Variants in LRRC7 observed in about 807,000 individuals in gnomAD.
LRRC7 encodes leucine rich repeat containing 7, also known as leucine-rich repeat-containing protein 7.
In LRRC7, 23 loss-of-function variants were observed where a neutral mutation model predicts 175.7. The ratio of observed to expected loss-of-function variants is 0.13; its 90% CI spans 0.09 to 0.19. LRRC7 has a LOEUF of 0.19. Ranked by LOEUF, LRRC7 falls within the 10% of genes least tolerant of loss-of-function variation. LRRC7 has a pLI of 1.00. For missense variants in LRRC7, 1,354 were observed against 1,904.7 expected (o/e 0.71, Z 5.38); for synonymous variants, 685 against 680.9 (o/e 1.01, Z -0.09).
chr1:69,647,596 T>G (rs1445542699), intron 1 of LRRC7, among the ~76,000 whole-genome samples: 1 of 151,710 alleles, frequency 6.6e-6, no homozygotes, highest in Non-Finnish European at 1.5e-5. Flanking sequence ...TTTTTACTTG[T>G]TTTTTTTCTA....
intron 11 of LRRC7, among the ~76,000 whole-genome samples, chr1:70,010,430 G>A (rs1275915946): frequency 6.6e-6 from 1 of 152,072 alleles, no homozygotes; most frequent in Non-Finnish European, 1.5e-5. Context: ...GCTGGGCGTG[G>A]TGGCAGGAGC....
At chr1:69,650,478 T>G (rs1004373965) in intron 1 of LRRC7, among the ~76,000 whole-genome samples, 21 of 137,962 alleles carry the variant, frequency 1.5e-4, no homozygotes, top group Middle Eastern at 4.1e-3. Flanking sequence ...AGGCAGAGCT[T>G]GCAGTGAGCC....
At chr1:70,066,388 G>A (rs1209123346) in intron 23 of LRRC7, among the ~76,000 whole-genome samples, 1 of 151,992 alleles carries the variant, frequency 6.6e-6, no homozygotes, top group Non-Finnish European at 1.5e-5. Context: ...TGTACTGCAT[G>A]TATAATTATT....
intron 1 of LRRC7, among the ~76,000 whole-genome samples, chr1:69,664,454 A>G (rs1657978648): frequency 6.6e-6 from 1 of 152,168 alleles, no homozygotes; most frequent in African/African-American, 2.4e-5. Context: ...ATTTCTCCAC[A>G]TCTCGCCAGC....
chr1:69,630,733 G>A (rs1009792138), intron 1 of LRRC7, among the ~76,000 whole-genome samples: 19 of 151,424 alleles, frequency 1.3e-4, no homozygotes, highest in African/African-American at 4.6e-4. Flanking sequence ...ATTTCTTGGA[G>A]CCATTTGTGA....
chr1:70,002,099 G>C (rs1655591956), intron 11 of LRRC7, among the ~76,000 whole-genome samples: 1 of 152,164 alleles, frequency 6.6e-6, no homozygotes, highest in African/African-American at 2.4e-5. Flanking sequence ...CTGCGAAGGA[G>C]ATACCACAGA....
chr1:69,740,347 A>C (rs1668577031), intron 2 of LRRC7, among the ~76,000 whole-genome samples: 1 of 151,918 alleles, frequency 6.6e-6, no homozygotes, highest in Admixed American at 6.6e-5. Context: ...ACACATCCCT[A>C]GTGTTCCTTC....
At chr1:69,838,817 G>A (rs1395847247) in intron 7 of LRRC7, among the ~76,000 whole-genome samples, 1 of 151,766 alleles carries the variant, frequency 6.6e-6, no homozygotes, top group African/African-American at 2.4e-5. Context: ...AAAAATATAG[G>A]ATATATTTTA....
intron 3 of LRRC7, among the ~76,000 whole-genome samples, chr1:69,788,699 C>A (rs1246755424): frequency 6.6e-6 from 1 of 152,066 alleles, no homozygotes; most frequent in East Asian, 1.9e-4. Flanking sequence ...CTCTCGTGTC[C>A]ATTTTTTCAC....
chr1:69,568,727 A>C, intron 1 of LRRC7, 86 bp downstream of exon 1: 2 of 847,194 alleles, frequency 2.4e-6, no homozygotes, highest in Non-Finnish European at 1.6e-6. Flanking sequence ...GTGGGACCCC[A>C]GAGGCCGGCC....
At chr1:69,803,044 C>A (rs990215896) in intron 4 of LRRC7, among the ~76,000 whole-genome samples, 1 of 151,268 alleles carries the variant, frequency 6.6e-6, no homozygotes, top group Non-Finnish European at 1.5e-5. Flanking sequence ...GTTTCCCCCA[C>A]TGACTTGTAA....
intron 4 of LRRC7, among the ~76,000 whole-genome samples, chr1:69,820,386 T>C (rs1351959854): frequency 1.3e-5 from 2 of 152,172 alleles, no homozygotes; most frequent in African/African-American, 4.8e-5. Context: ...ATCATTATAA[T>C]ACTTTAAGTT....
At chr1:70,094,668 A>G (rs1407196469) in intron 25 of LRRC7, among the ~76,000 whole-genome samples, 3 of 152,188 alleles carry the variant, frequency 2.0e-5, no homozygotes, top group Admixed American at 2.0e-4. Flanking sequence ...TTTTTACATG[A>G]TTAATATTAA....
intron 8 of LRRC7, among the ~76,000 whole-genome samples, chr1:69,936,273 G>GA (rs1442508689): frequency 6.6e-6 from 1 of 151,932 alleles, no homozygotes; most frequent in African/African-American, 2.4e-5. Flanking sequence ...TTCTCAAAAA[G>GA]AAAAAATGTT....
chr1:69,895,625 T>C (rs1258213134), intron 7 of LRRC7, among the ~76,000 whole-genome samples: 1 of 152,198 alleles, frequency 6.6e-6, no homozygotes, highest in Non-Finnish European at 1.5e-5. Flanking sequence ...ACAAATATTG[T>C]TCTGCTTTCT....
chr1:70,107,435 T>C (rs1013051064), intron 25 of LRRC7, among the ~76,000 whole-genome samples: 2 of 152,162 alleles, frequency 1.3e-5, no homozygotes, highest in African/African-American at 4.8e-5. Context: ...TCAGAATTTA[T>C]ACAAAAAATG....
intron 10 of LRRC7, among the ~76,000 whole-genome samples, chr1:69,989,660 C>T (rs1365720547): frequency 1.3e-5 from 2 of 151,770 alleles, no homozygotes; most frequent in South Asian, 2.1e-4. Context: ...ATTACCTTCT[C>T]CAGGAATAAA....
chr1:69,964,559 G>A (rs1356559967), intron 8 of LRRC7, among the ~76,000 whole-genome samples: 5 of 152,080 alleles, frequency 3.3e-5, no homozygotes, highest in Non-Finnish European at 1.5e-5. Flanking sequence ...TTTTTTTGTT[G>A]TTATTGTTTT....
At chr1:69,652,706 A>T (rs866712799) in intron 1 of LRRC7, among the ~76,000 whole-genome samples, 20 of 152,260 alleles carry the variant, frequency 1.3e-4, no homozygotes, top group South Asian at 6.2e-4. Context: ...TTCAAAAAAA[A>T]AATAATAATA....
Sources: allele counts gnomAD v4.1 joint callset (sites outside exome capture counted in the v4.1 genomes callset), GRCh38; gene constraint gnomAD v4.1.1; transcripts MANE v1.5; gene names NCBI Gene and HGNC (gene_info 2026-07-23, HGNC 2026-07-21).